GRK3: variants seen among roughly 807,000 people sequenced by gnomAD.
The protein encoded by GRK3 is G protein-coupled receptor kinase 3.
A neutral mutation model predicts 95.7 loss-of-function variants in GRK3; 54 were observed. That is an observed-to-expected ratio of 0.56 (90% CI 0.45 to 0.71). GRK3 has a LOEUF of 0.71. Ranked by LOEUF, GRK3 falls within the 30% of genes least tolerant of loss-of-function variation. The pLI is 0.00. For missense variants in GRK3, 649 were observed against 851.2 expected, an observed-to-expected ratio of 0.76 and a Z score of 2.96; for synonymous variants, 281 against 290.8, an observed-to-expected ratio of 0.97 and a Z score of 0.34.
intron 9 of GRK3, among the ~76,000 whole-genome samples, chr22:25,684,864 G>A (rs1263400007): frequency 2.6e-5 from 4 of 152,128 alleles, no homozygotes; most frequent in Non-Finnish European, 5.9e-5. Context: ...TGGGGTGGCA[G>A]CTTGGATAAA....
intron 1 of GRK3, among the ~76,000 whole-genome samples, chr22:25,568,178 C>T (rs1372511004): frequency 7.2e-5 from 11 of 152,292 alleles, no homozygotes; most frequent in Non-Finnish European, 1.2e-4. Flanking sequence ...AGTTGTTTTA[C>T]ATCATGTTGG....
At position 25,722,781 on chromosome 22, in the gene GRK3, T is replaced by G. The variant is rs2085443891; in HGVS notation, c.*331T>G. 4.8e-6 allele frequency: 1 copy of G among 208,898 alleles called. No individual in the cohort carries two copies. The highest frequency in any genetic ancestry group is 1.1e-4 in the South Asian group (1 of 8,896). The allele number at this position is 208,898 out of a possible 1,614,324, so 12.9% of individuals were successfully genotyped here. Reference sequence around the variant, plus strand: ...CTCCCCAGAATGGAATTTAAAGATGTTCAGTGTTGGGTAACAGATTGCCCT... The same window carrying G: ...CTCCCCAGAATGGAATTTAAAGATGGTCAGTGTTGGGTAACAGATTGCCCT... On this transcript the variant is annotated 3_prime_UTR_variant, in exon 21 of 21. Coordinates refer to ENST00000324198, the MANE Select transcript of GRK3 (RefSeq NM_005160.4).
intron 1 of GRK3, among the ~76,000 whole-genome samples, chr22:25,601,864 C>T (rs1220059529): frequency 2.6e-5 from 4 of 152,184 alleles, no homozygotes; most frequent in African/African-American, 9.6e-5. Flanking sequence ...TGTGTTTACA[C>T]AAAAGCGAAA....
At chr22:25,688,128 C>T (rs1423251790) in intron 11 of GRK3, among the ~76,000 whole-genome samples, 1 of 150,368 alleles carries the variant, frequency 6.7e-6, no homozygotes, top group Non-Finnish European at 1.5e-5. Context: ...CCCAGCTACT[C>T]AGGAGGCTGA....
intron 1 of GRK3, among the ~76,000 whole-genome samples, chr22:25,597,300 G>A (rs1601462142): frequency 6.6e-6 from 1 of 152,132 alleles, no homozygotes; most frequent in African/African-American, 2.4e-5. Flanking sequence ...GGAAGGGTAG[G>A]AGAAAGGGTG....
intron 3 of GRK3, among the ~76,000 whole-genome samples, chr22:25,659,751 G>C (rs1439847703): frequency 1.3e-5 from 2 of 152,142 alleles, no homozygotes; most frequent in Non-Finnish European, 2.9e-5. Context: ...GATGCTTTAG[G>C]CTCTTATTTT....
intron 1 of GRK3, among the ~76,000 whole-genome samples, chr22:25,590,834 A>G (rs960288160): frequency 3.9e-5 from 6 of 152,168 alleles, no homozygotes; most frequent in African/African-American, 7.2e-5. Flanking sequence ...AAACAAACAA[A>G]TAGCATTATT....
intron 1 of GRK3, among the ~76,000 whole-genome samples, chr22:25,600,547 C>T (rs574315952): frequency 9.9e-5 from 15 of 152,160 alleles, no homozygotes; most frequent in African/African-American, 2.9e-4. Context: ...AAATAAAAAC[C>T]AATACAGTAT....
chr22:25,591,086 G>T (rs1377857486), intron 1 of GRK3, among the ~76,000 whole-genome samples: 1 of 152,128 alleles, frequency 6.6e-6, no homozygotes, highest in Non-Finnish European at 1.5e-5. Flanking sequence ...AGCTAGGAAT[G>T]GGGTTCCCAG....
intron 1 of GRK3, among the ~76,000 whole-genome samples, chr22:25,569,366 T>C (rs909676675): frequency 1.3e-5 from 2 of 152,246 alleles, no homozygotes; most frequent in African/African-American, 4.8e-5. Context: ...TGCGTGTAGA[T>C]GTCAATTCTT....
intron 1 of GRK3, among the ~76,000 whole-genome samples, chr22:25,579,313 AT>A (rs879433931): frequency 2.5e-3 from 352 of 143,484 alleles, no homozygotes; most frequent in African/African-American, 3.3e-3. Flanking sequence ...TGCCTGGCTA[AT>A]TTTTTTTTTT....
At chr22:25,655,726 G>A (rs1389593441) in intron 3 of GRK3, among the ~76,000 whole-genome samples, 2 of 152,094 alleles carry the variant, frequency 1.3e-5, no homozygotes, top group African/African-American at 4.8e-5. Context: ...TCTACCTTAT[G>A]TCAGACCCTG....
At chr22:25,611,974 A>G (rs571189370) in intron 2 of GRK3, among the ~76,000 whole-genome samples, 2 of 151,966 alleles carry the variant, frequency 1.3e-5, no homozygotes, top group East Asian at 3.9e-4. Context: ...CTGGGATTAC[A>G]GGAGCACACC....
chr22:25,720,093 G>C (rs2146475742), intron 19 of GRK3, among the ~76,000 whole-genome samples: 1 of 152,148 alleles, frequency 6.6e-6, no homozygotes, highest in African/African-American at 2.4e-5. Flanking sequence ...AAAGCTCACT[G>C]TATTTCCAGG....
At chr22:25,648,219 G>A in intron 3 of GRK3, 1 of 763,286 alleles carries the variant, frequency 1.3e-6, no homozygotes, top group East Asian at 2.4e-5. Context: ...TGAGGTAAGG[G>A]GTGACAATGT....
chr22:25,724,073 C>T lies in GRK3; in HGVS notation c.*1623C>T, dbSNP rs1023034902. On this transcript the variant is annotated 3_prime_UTR_variant, in exon 21 of 21. Coordinates refer to ENST00000324198, the MANE Select transcript of GRK3 (RefSeq NM_005160.4). ...GAGGGATGTACTACTTACATGCATT[C>T]TCCTTATTTAAAAAGGAAGAATAGT... 6.6e-6 allele frequency: 1 copy of T among 151,294 alleles called. No individual in the cohort carries two copies. Among genetic ancestry groups the T allele is most frequent in the Non-Finnish European group, 1.5e-5 (1 of 67,934 alleles). 9.4% of individuals were successfully genotyped at this position (151,294 alleles called of 1,614,324 possible).
chr22:25,680,158 A>G (rs140186226), intron 9 of GRK3, among the ~76,000 whole-genome samples: 134 of 152,376 alleles, frequency 8.8e-4, no homozygotes, highest in African/African-American at 2.7e-3. Flanking sequence ...AGAATAGCAT[A>G]ATGTAGCTAA....
rs5761138 is a variant in GRK3 at position 25,595,684 on chromosome 22, C to T, written c.114-8693C>T. Among the ~76,000 whole-genome samples, 810 of 152,242 alleles carry T rather than the reference C, an allele frequency of 5.3e-3. 35 individuals carry two copies. In the East Asian group the frequency reaches 0.11, roughly 21 times the overall value. Reference sequence around the variant, plus strand: ...AAAAATTGCCAGGCATGGTGGCTTGCACCAATAATTCCAGCCACTTGGGAG... The same window carrying T: ...AAAAATTGCCAGGCATGGTGGCTTGTACCAATAATTCCAGCCACTTGGGAG... On this transcript the variant is annotated intron_variant, in intron 1 of 20. Transcript: ENST00000324198.
chr22:25,643,901 C>G (rs2084761091), intron 2 of GRK3, among the ~76,000 whole-genome samples: 1 of 152,192 alleles, frequency 6.6e-6, no homozygotes, highest in African/African-American at 2.4e-5. Context: ...GCACAGTTGG[C>G]TTTTGAGTCC....
Sources: gnomAD v4.1 joint callset for allele counts (sites outside exome capture counted in the v4.1 genomes callset) on GRCh38, gnomAD v4.1.1 for gene constraint, MANE v1.5 for transcripts, NCBI Gene and HGNC (gene_info 2026-07-23, HGNC 2026-07-21) for gene names.